CNTN1: variants seen among roughly 807,000 people sequenced by gnomAD.
CNTN1 encodes the protein contactin 1.
Under a neutral mutation model 126.4 loss-of-function variants are expected in CNTN1, and 38 were observed. The ratio of observed to expected loss-of-function variants is 0.30; its 90% CI spans 0.23 to 0.39. CNTN1 has a LOEUF of 0.39. Ranked by LOEUF, CNTN1 falls within the 10% of genes least tolerant of loss-of-function variation. CNTN1 has a pLI of 1.00. For synonymous variants in CNTN1, 413 were observed against 422.6 expected (o/e 0.98, Z 0.28); for missense variants, 1,009 against 1,248.4 (o/e 0.81, Z 2.89).
At chr12:40,720,965 G>T (rs1004201000) in intron 1 of CNTN1, among the ~76,000 whole-genome samples, 1 of 142,298 alleles carries the variant, frequency 7.0e-6, no homozygotes, top group African/African-American at 2.5e-5. Context: ...ATATATATAT[G>T]TGTATATATG....
chr12:41,061,620 G>A (rs754243972), intron 23 of CNTN1: 12 of 308,278 alleles, frequency 3.9e-5, no homozygotes, highest in Non-Finnish European at 7.1e-5. Context: ...CATAAATAAG[G>A]GAAAATGTAA....
intron 1 of CNTN1, among the ~76,000 whole-genome samples, chr12:40,900,533 G>A (rs1156250689): frequency 6.6e-6 from 1 of 152,116 alleles, no homozygotes; most frequent in Non-Finnish European, 1.5e-5. Context: ...AACTGATAAG[G>A]TACCAACTCC....
At chr12:40,855,984 CT>C (rs904467174) in intron 1 of CNTN1, among the ~76,000 whole-genome samples, 29 of 152,148 alleles carry the variant, frequency 1.9e-4, no homozygotes, top group African/African-American at 5.3e-4. Context: ...TATCAGTTAT[CT>C]TTTTGTTTGG....
chr12:40,793,283 G>T (rs1940288807), intron 1 of CNTN1, among the ~76,000 whole-genome samples: 1 of 151,790 alleles, frequency 6.6e-6, no homozygotes, highest in South Asian at 2.1e-4. Flanking sequence ...CAACTATCTG[G>T]CTCTTCTTTT....
rs145608797 is a variant in CNTN1, at chr12:40,765,955, G to A, written c.-77+73363G>A. 4.6e-5 allele frequency among the ~76,000 whole-genome samples: 7 copies of A among 152,330 alleles called. No individual in the cohort carries two copies. The East Asian group carries it at 9.7e-4, about 21-fold the overall frequency. On this transcript the variant is annotated intron_variant, in intron 1 of 23. Coordinates refer to ENST00000551295, the MANE Select transcript of CNTN1 (RefSeq NM_001843.4). Reference sequence around the variant, plus strand: ...GTCCTGGGCAAAAGATATATCCAATGTTGTGGAAGCTGGAGATGCCTATGG... The same window carrying A: ...GTCCTGGGCAAAAGATATATCCAATATTGTGGAAGCTGGAGATGCCTATGG...
chr12:40,781,224 C>A (rs368645739), intron 1 of CNTN1, among the ~76,000 whole-genome samples: 2 of 152,046 alleles, frequency 1.3e-5, no homozygotes, highest in East Asian at 3.9e-4. Context: ...CAGGTGAATG[C>A]ACAACCGTAC....
chr12:40,751,554 A>G (rs887748457), intron 1 of CNTN1, among the ~76,000 whole-genome samples: 2 of 152,072 alleles, frequency 1.3e-5, no homozygotes, highest in East Asian at 1.9e-4. Context: ...AGAAATTCAC[A>G]AAGTGTTTAG....
intron 1 of CNTN1, among the ~76,000 whole-genome samples, chr12:40,808,299 A>G (rs1940935293): frequency 6.6e-6 from 1 of 152,172 alleles, no homozygotes; most frequent in Admixed American, 6.6e-5. Context: ...GTGCTGGTAA[A>G]TGTGTAACAA....
At chr12:40,694,487 G>A (rs980201142) in intron 1 of CNTN1, among the ~76,000 whole-genome samples, 23 of 152,276 alleles carry the variant, frequency 1.5e-4, no homozygotes, top group East Asian at 1.9e-4. Context: ...ACAACCTGCC[G>A]TGTAATTATA....
At chr12:40,768,182 G>A (rs898845922) in intron 1 of CNTN1, among the ~76,000 whole-genome samples, 1 of 152,122 alleles carries the variant, frequency 6.6e-6, no homozygotes, top group Non-Finnish European at 1.5e-5. Flanking sequence ...AATAGTTGCT[G>A]TGTTACTTAA....
chr12:41,035,930 A>C (rs1949250012), intron 23 of CNTN1, among the ~76,000 whole-genome samples: 1 of 152,156 alleles, frequency 6.6e-6, no homozygotes, highest in Non-Finnish European at 1.5e-5. Flanking sequence ...CAATAGAAAA[A>C]TGTTGATGTG....
intron 1 of CNTN1, among the ~76,000 whole-genome samples, chr12:40,861,088 C>A (rs964104896): frequency 1.3e-5 from 2 of 152,078 alleles, no homozygotes; most frequent in African/African-American, 4.8e-5. Flanking sequence ...CACTGTACAA[C>A]ATAATTTAAA....
chr12:40,724,046 A>G (rs1942287673), intron 1 of CNTN1, among the ~76,000 whole-genome samples: 1 of 152,146 alleles, frequency 6.6e-6, no homozygotes, highest in Admixed American at 6.6e-5. Flanking sequence ...TCATTATTTT[A>G]TATATACTAT....
chr12:40,948,119 T>G (rs938721068), intron 14 of CNTN1, among the ~76,000 whole-genome samples: 2 of 151,948 alleles, frequency 1.3e-5, no homozygotes, highest in Non-Finnish European at 2.9e-5. Context: ...AAAGAGTGCA[T>G]ATAGAGACTT....
At chr12:40,923,777 A>G (rs1256229951) in intron 5 of CNTN1, among the ~76,000 whole-genome samples, 4 of 152,202 alleles carry the variant, frequency 2.6e-5, no homozygotes, top group Non-Finnish European at 4.4e-5. Flanking sequence ...GGCCTAGAGA[A>G]GTAGATTTGA....
intron 1 of CNTN1, among the ~76,000 whole-genome samples, chr12:40,752,199 A>T (rs1938429781): frequency 6.6e-6 from 1 of 152,118 alleles, no homozygotes; most frequent in Non-Finnish European, 1.5e-5. Context: ...TTTATAATAG[A>T]TGAGCCTTGG....
chr12:40,990,126 G>A (rs906951356), intron 16 of CNTN1, among the ~76,000 whole-genome samples: 4 of 151,932 alleles, frequency 2.6e-5, no homozygotes, highest in Admixed American at 2.6e-4. Flanking sequence ...TTTATTGAGG[G>A]GATATTATAA....
intron 1 of CNTN1, among the ~76,000 whole-genome samples, chr12:40,819,248 T>C (rs1941362459): frequency 6.6e-6 from 1 of 152,140 alleles, no homozygotes; most frequent in South Asian, 2.1e-4. Flanking sequence ...AGCCCACTTC[T>C]CTGGGCTGCC....
At chr12:40,811,452 T>A (rs1941057071) in intron 1 of CNTN1, among the ~76,000 whole-genome samples, 1 of 152,184 alleles carries the variant, frequency 6.6e-6, no homozygotes, top group Admixed American at 6.6e-5. Flanking sequence ...CACTTCTCTA[T>A]AATTTTTCAA....
Sources: gnomAD v4.1 joint callset for allele counts (sites outside exome capture counted in the v4.1 genomes callset) on GRCh38, gnomAD v4.1.1 for gene constraint, MANE v1.5 for transcripts, NCBI Gene and HGNC (gene_info 2026-07-23, HGNC 2026-07-21) for gene names.